IGF2BP2: variants seen among roughly 807,000 people sequenced by gnomAD.
The protein encoded by IGF2BP2 is insulin-like growth factor 2 mRNA-binding protein 2.
IGF2BP2 carries 17 observed loss-of-function variants against 75.8 expected under a neutral mutation model. That is an observed-to-expected ratio of 0.22 (90% CI 0.15 to 0.34). The LOEUF is 0.34. IGF2BP2 is among the 10% of genes least tolerant of loss of function. The pLI, the probability that IGF2BP2 is intolerant of heterozygous loss-of-function variation, is 1.00. For missense variants in IGF2BP2, 516 were observed against 772.4 expected, an observed-to-expected ratio of 0.67 and a Z score of 3.93; for synonymous variants, 288 against 295.6, an observed-to-expected ratio of 0.97 and a Z score of 0.26.
intron 2 of IGF2BP2, among the ~76,000 whole-genome samples, chr3:185,714,073 A>G (rs1725231720): frequency 6.6e-6 from 1 of 152,184 alleles, no homozygotes; most frequent in African/African-American, 2.4e-5. Context: ...TCTCTTCTAC[A>G]TCTATACTTC....
rs1455046260 is a variant in IGF2BP2 at position 185,672,548 on chromosome 3, G to A, written c.1193C>T (p.Pro398Leu). ...ACAAGCTGAGCTACTTACAGTGAAG[G>A]GGTGGTAGGGGGCAGCGGGGGGAGC... is the stretch of plus-strand genomic sequence containing the variant. ...RGAPPAAPYH[P>L]FTTHSGYFSS... is the part of the protein sequence containing the mutation. Residue 398 changes from proline to leucine, a missense_variant, in exon 10 of 16, where the codon CCC (proline) becomes CTC (leucine). Around this residue, in one of 3 missense-constraint regions of IGF2BP2, gnomAD observed 75 missense variants for 67.4 expected, o/e 1.11. Coordinates refer to ENST00000382199, the MANE Select transcript of IGF2BP2 (RefSeq NM_006548.6). 6.2e-7 allele frequency: 1 copy of A among 1,612,316 alleles called. No individual in the cohort carries two copies. The highest frequency in any genetic ancestry group is 8.5e-7 in the Non-Finnish European group (1 of 1,179,376).
At chr3:185,731,756 C>T (rs1335896258) in intron 2 of IGF2BP2, among the ~76,000 whole-genome samples, 2 of 151,832 alleles carry the variant, frequency 1.3e-5, no homozygotes, top group African/African-American at 2.4e-5. Flanking sequence ...GGGCGGATCA[C>T]GAGGTCAGGA....
chr3:185,652,423 T>A (rs1365856484), intron 12 of IGF2BP2, among the ~76,000 whole-genome samples: 1 of 152,156 alleles, frequency 6.6e-6, no homozygotes, highest in Admixed American at 6.5e-5. Flanking sequence ...CCTGTCCCTG[T>A]CCTGAGCACC....
chr3:185,675,302 A>T lies in IGF2BP2; in HGVS notation c.1065T>A (p.Ala355=). 1 of 1,606,898 alleles carries T rather than the reference A, an allele frequency of 6.2e-7. No individual in the cohort carries two copies. The highest frequency in any genetic ancestry group is 8.5e-7 in the Non-Finnish European group (1 of 1,178,782). Residue 355 remains alanine (A), a synonymous_variant, in exon 9 of 16, where the codon GCT becomes GCA. Transcript: ENST00000382199. ...GAAAGCATTAGGGACTTACGTTAAC[A>T]GCCAGCATATCATTTTCAAAGGCCT... ...LREAFENDML[A]VNQQANLIPG...
intron 2 of IGF2BP2, among the ~76,000 whole-genome samples, chr3:185,773,136 T>G (rs971128754): frequency 6.6e-6 from 1 of 152,124 alleles, no homozygotes; most frequent in African/African-American, 2.4e-5. Flanking sequence ...ATTCCAAATC[T>G]CTTCACTAAG....
chr3:185,712,592 C>T (rs1023103563), intron 2 of IGF2BP2: 2 of 152,038 alleles, frequency 1.3e-5, no homozygotes, highest in African/African-American at 4.8e-5. Flanking sequence ...AGCCATGAGA[C>T]AGAGAAGATT....
chr3:185,687,514 A>AGT (rs1314950757), intron 6 of IGF2BP2, among the ~76,000 whole-genome samples: 1 of 152,242 alleles, frequency 6.6e-6, no homozygotes, highest in Non-Finnish European at 1.5e-5. Context: ...TGACTGCAGA[A>AGT]GTGAAGAGTA....
intron 2 of IGF2BP2, among the ~76,000 whole-genome samples, chr3:185,726,743 A>G (rs932558709): frequency 3.3e-5 from 5 of 152,204 alleles, no homozygotes; most frequent in African/African-American, 1.2e-4. Flanking sequence ...TGTGTGGGGA[A>G]GTCCAGTTGG....
chr3:185,796,799 T>C (rs1451422565), intron 2 of IGF2BP2, among the ~76,000 whole-genome samples: 1 of 152,186 alleles, frequency 6.6e-6, no homozygotes, highest in East Asian at 1.9e-4. Flanking sequence ...ACTATAAAAC[T>C]ATCAATGCAC....
intron 2 of IGF2BP2, among the ~76,000 whole-genome samples, chr3:185,744,924 A>G (rs907501081): frequency 2.0e-5 from 3 of 152,196 alleles, no homozygotes; most frequent in African/African-American, 7.2e-5. Flanking sequence ...AGATAAACCT[A>G]GTTTTTTTAA....
intron 10 of IGF2BP2, among the ~76,000 whole-genome samples, chr3:185,660,549 C>A (rs1299821843): frequency 2.0e-5 from 3 of 152,192 alleles, no homozygotes; most frequent in African/African-American, 7.2e-5. Context: ...CTCCACTTAA[C>A]ACGGCTGTAG....
intron 2 of IGF2BP2, among the ~76,000 whole-genome samples, chr3:185,795,867 C>G (rs1055220560): frequency 6.6e-6 from 1 of 151,862 alleles, no homozygotes; most frequent in African/African-American, 2.4e-5. Context: ...GGCTGGGCAA[C>G]AGAGAGAGAC....
intron 2 of IGF2BP2, among the ~76,000 whole-genome samples, chr3:185,800,718 A>AAAAGAAAGAAAG (rs1553893939): frequency 2.1e-5 from 3 of 143,282 alleles, no homozygotes; most frequent in African/African-American, 8.1e-5. Flanking sequence ...GAGCCAAAAA[A>AAAAGAAAGAAAG]AAAGAAAGAA....
intron 2 of IGF2BP2, among the ~76,000 whole-genome samples, chr3:185,705,998 T>A (rs1030740628): frequency 6.6e-6 from 1 of 152,224 alleles, no homozygotes; most frequent in Non-Finnish European, 1.5e-5. Context: ...CAGAGCCTAC[T>A]AGCTCACAAA....
At chr3:185,692,130 G>A (rs935836467) in intron 5 of IGF2BP2, among the ~76,000 whole-genome samples, 2 of 152,144 alleles carry the variant, frequency 1.3e-5, no homozygotes, top group Non-Finnish European at 2.9e-5. Context: ...GAAAGAGGAT[G>A]GGGATTGGAG....
chr3:185,709,450 T>G (rs1724497582), intron 2 of IGF2BP2, among the ~76,000 whole-genome samples: 2 of 152,210 alleles, frequency 1.3e-5, no homozygotes, highest in East Asian at 3.9e-4. Context: ...TGGCTTCTTT[T>G]TCCTGGCCCA....
rs1712962704 is a variant in IGF2BP2 at position 185,643,329 on chromosome 3, A to C, written c.*2202T>G. ...AGCAGCTTTGCCTGGCCAGGCTTGC[A>C]GTTCCTTAAGGATAGACTGGTCTTC... On this transcript the variant is annotated 3_prime_UTR_variant, in exon 16 of 16. Coordinates refer to ENST00000382199, the MANE Select transcript of IGF2BP2 (RefSeq NM_006548.6). 6.6e-6 allele frequency among the ~76,000 whole-genome samples: 1 copy of C among 152,154 alleles called. No individual in the cohort carries two copies. Among genetic ancestry groups the C allele is most frequent in the South Asian group, 2.1e-4 (1 of 4,828 alleles).
chr3:185,692,829 C>T (rs758443570), intron 4 of IGF2BP2, 67 bp from the exon 5 acceptor site: 4 of 1,412,678 alleles, frequency 2.8e-6, no homozygotes, highest in Non-Finnish European at 4.0e-6. Context: ...TTAATGTAAA[C>T]AGACAAACTT....
intron 4 of IGF2BP2, 38 bp downstream of exon 4, chr3:185,696,574 T>C: frequency 6.4e-7 from 1 of 1,558,990 alleles, no homozygotes; most frequent in African/African-American, 1.4e-5. Flanking sequence ...ACAGATAATA[T>C]CTCTCTCCAA....
Sources: allele counts gnomAD v4.1 joint callset (sites outside exome capture counted in the v4.1 genomes callset), GRCh38; gene constraint gnomAD v4.1.1; regional missense constraint gnomAD v4.1.1; transcripts MANE v1.5; gene names NCBI Gene and HGNC (gene_info 2026-07-23, HGNC 2026-07-21).